KCNA2: variants seen among roughly 807,000 people sequenced by gnomAD.
KCNA2 encodes the protein potassium voltage-gated channel subfamily A member 2.
A neutral mutation model predicts 33.4 loss-of-function variants in KCNA2; 11 were observed. The ratio of observed to expected loss-of-function variants is 0.33; its 90% CI spans 0.21 to 0.55. The LOEUF (loss-of-function observed/expected upper bound fraction) is 0.55, where lower values mean the gene tolerates loss of function less well. KCNA2 is among the 20% of genes least tolerant of loss of function. KCNA2 has a pLI of 0.93. For missense variants in KCNA2, 291 were observed against 621.6 expected (o/e 0.47, Z 5.66); for synonymous variants, 222 against 231.3 (o/e 0.96, Z 0.37).
At position 110,594,057 on chromosome 1, in the gene KCNA2, C is replaced by G. The variant is rs1648980606; in HGVS notation, c.*9226G>C. ...TTATCACCATGGAGACCCCAGTTCC[C>G]TTTCGGCATCATCCTTACGAAGCTT... is the stretch of plus-strand genomic sequence containing the variant. On this transcript the variant is annotated 3_prime_UTR_variant, in exon 3 of 3. Transcript: ENST00000316361. The G allele has an allele frequency of 6.8e-7, 1 of 1,477,286 alleles. No homozygotes were observed. Among genetic ancestry groups the G allele is most frequent in the Admixed American group, 2.4e-5 (1 of 41,780 alleles). 91.5% of individuals were successfully genotyped at this position (1,477,286 alleles called of 1,614,324 possible). A position where few individuals can be genotyped will look rare whatever the true frequency, so the allele number is the denominator to read the frequency against.
chr1:110,610,708 G>A (rs557199431), upstream of KCNA2, among the ~76,000 whole-genome samples: 185 of 152,280 alleles, frequency 1.2e-3, no homozygotes, highest in African/African-American at 4.3e-3. Context: ...TCTGGTCTCA[G>A]GAACAGAGAT....
intron 1 of KCNA2, among the ~76,000 whole-genome samples, chr1:110,626,223 G>A (rs1650385309): frequency 7.9e-5 from 12 of 152,100 alleles, no homozygotes; most frequent in Admixed American, 7.9e-4. Context: ...TAGGGGACTG[G>A]TAAAATAAAC....
At chr1:110,611,747 G>T (rs140914986) in intron 1 of KCNA2, among the ~76,000 whole-genome samples, 1 of 151,516 alleles carries the variant, frequency 6.6e-6, no homozygotes, top group Non-Finnish European at 1.5e-5. Context: ...AAAAGGCTGG[G>T]TATAGTGGTC....
chr1:110,628,643 T>C (rs1200067203), intron 1 of KCNA2, among the ~76,000 whole-genome samples: 2 of 152,138 alleles, frequency 1.3e-5, no homozygotes, highest in African/African-American at 4.8e-5. Context: ...CCCATAAATA[T>C]TTGTTGGTTG....
rs142010556 is a variant in KCNA2, at chr1:110,594,293, C to CTG, written c.*8989_*8990insCA. On this transcript the variant is annotated 3_prime_UTR_variant, in exon 3 of 3. Coordinates refer to ENST00000316361, the MANE Select transcript of KCNA2 (RefSeq NM_004974.4). ...GGCCATTTCCTCTCTCTCTCTCTCT[C>CTG]TATATATATATATACATATATATAT... 2.5e-6 allele frequency: 2 copies of CTG among 794,782 alleles called. No homozygotes were observed. Among genetic ancestry groups the CTG allele is most frequent in the Non-Finnish European group, 3.0e-6 (2 of 664,266 alleles). 49.2% of individuals were successfully genotyped at this position (794,782 alleles called of 1,614,324 possible).
intron 1 of KCNA2, among the ~76,000 whole-genome samples, chr1:110,625,184 C>G (rs1650359399): frequency 6.6e-6 from 1 of 152,188 alleles, no homozygotes; most frequent in African/African-American, 2.4e-5. Flanking sequence ...CTTCCCAGAG[C>G]AGTGTAAATA....
At chr1:110,621,971 G>T (rs1650269596) in intron 1 of KCNA2, among the ~76,000 whole-genome samples, 1 of 152,024 alleles carries the variant, frequency 6.6e-6, no homozygotes, top group East Asian at 1.9e-4. Flanking sequence ...TTTAGAAAAT[G>T]GAAAAGATAA....
chr1:110,614,826 G>T (rs1045405924), intron 1 of KCNA2, among the ~76,000 whole-genome samples: 9 of 152,162 alleles, frequency 5.9e-5, no homozygotes, highest in East Asian at 1.9e-4. Context: ...CCTGCTCAAG[G>T]TTGCATGGCT....
chr1:110,611,018 G>GAGGAAGGAAGGAAGGA (rs59353690), upstream of KCNA2, among the ~76,000 whole-genome samples: 345 of 144,246 alleles, frequency 2.4e-3, 2 homozygotes, highest in South Asian at 0.011. Flanking sequence ...AAGACAGAAT[G>GAGGAAGGAAGGAAGGA]AGGAAGGAAG....
Position 110,595,723 on chromosome 1 carries a change from A to G in KCNA2, c.*7560T>C. ...CTGAATTTCAGCTGCTCTAATACCCACACCCTCAACTTAGGTTTAGTCATA... is the reference window on the plus strand; with the variant it reads ...CTGAATTTCAGCTGCTCTAATACCCGCACCCTCAACTTAGGTTTAGTCATA... On this transcript the variant is annotated 3_prime_UTR_variant, in exon 3 of 3. Transcript: ENST00000316361. The G allele has an allele frequency of 1.2e-5, 12 of 985,392 alleles. No homozygotes were observed. Among genetic ancestry groups the G allele is most frequent in the Non-Finnish European group, 1.3e-5 (11 of 829,918 alleles). 61.0% of individuals were successfully genotyped at this position (985,392 alleles called of 1,614,324 possible).
At chr1:110,629,547 C>G (rs999457769) in intron 1 of KCNA2, among the ~76,000 whole-genome samples, 1 of 152,176 alleles carries the variant, frequency 6.6e-6, no homozygotes, top group Non-Finnish European at 1.5e-5. Flanking sequence ...TCTTCCTCAG[C>G]ACAGTTACTC....
upstream of KCNA2, chr1:110,606,875 G>A (rs892490311): frequency 3.9e-5 from 6 of 152,314 alleles, no homozygotes; most frequent in African/African-American, 1.4e-4. Flanking sequence ...CCGAAGAGGC[G>A]AATGCAGCCC....
intron 1 of KCNA2, among the ~76,000 whole-genome samples, chr1:110,618,776 C>T (rs906279493): frequency 3.3e-5 from 5 of 152,070 alleles, no homozygotes; most frequent in Non-Finnish European, 7.4e-5. Flanking sequence ...AGGCCCAAAC[C>T]CCGGGACACA....
In KCNA2 at chr1:110,601,802, G is replaced by GTA. The variant is rs1557730246; in HGVS notation, c.*1480_*1481insTA. 5 of 1,223,912 alleles carry GTA rather than the reference G, an allele frequency of 4.1e-6. No homozygotes were observed. In the East Asian group the frequency reaches 1.0e-4, roughly 25 times the overall value. 75.8% of individuals were successfully genotyped at this position (1,223,912 alleles called of 1,614,324 possible). On this transcript the variant is annotated 3_prime_UTR_variant, in exon 3 of 3. Coordinates refer to ENST00000316361, the MANE Select transcript of KCNA2 (RefSeq NM_004974.4). ...AATATATATATATATATATGTGTGT[G>GTA]TGTGTGTGTGTGTGTGTGTGTGTGT...
intron 1 of KCNA2, among the ~76,000 whole-genome samples, chr1:110,629,981 G>A (rs866004345): frequency 2.0e-5 from 3 of 150,498 alleles, no homozygotes; most frequent in Non-Finnish European, 4.4e-5. Context: ...GGACTCAAAA[G>A]TGAGTTAACA....
In KCNA2 at chr1:110,595,351, C is replaced by T; in HGVS notation, c.*7932G>A. The T allele has an allele frequency of 2.0e-6, 2 of 985,398 alleles. No homozygotes were observed. The highest frequency in any genetic ancestry group is 2.4e-6 in the Non-Finnish European group (2 of 829,930). 61.0% of individuals were successfully genotyped at this position (985,398 alleles called of 1,614,324 possible). ...TCATGAAGTACAAGAAGTAGCCATCCAGACAGGCCACCTCAACTGCCTCAG... is the reference window on the plus strand; with the variant it reads ...TCATGAAGTACAAGAAGTAGCCATCTAGACAGGCCACCTCAACTGCCTCAG... On this transcript the variant is annotated 3_prime_UTR_variant, in exon 3 of 3. Transcript: ENST00000316361.
At chr1:110,629,263 G>A (rs1351826548) in intron 1 of KCNA2, among the ~76,000 whole-genome samples, 1 of 152,062 alleles carries the variant, frequency 6.6e-6, no homozygotes, top group Non-Finnish European at 1.5e-5. Flanking sequence ...GATTTTTAAG[G>A]TCCCCACCAA....
At chr1:110,625,478 A>G (rs747522266) in intron 1 of KCNA2, among the ~76,000 whole-genome samples, 1 of 152,234 alleles carries the variant, frequency 6.6e-6, no homozygotes, top group Non-Finnish European at 1.5e-5. Flanking sequence ...TGAATATTCA[A>G]ATGTAAAAAG....
Position 110,596,871 on chromosome 1 carries a change from A to G in KCNA2, c.*6412T>C. 1.0e-6 allele frequency: 1 copy of G among 985,340 alleles called. No homozygotes were observed. The highest frequency in any genetic ancestry group is 1.2e-6 in the Non-Finnish European group (1 of 829,918). 61.0% of individuals were successfully genotyped at this position (985,340 alleles called of 1,614,324 possible). ...GTAGATCAAAAAAGGATGGAATGGGACCCTGGGGTTGCCAGCCTTCCCTGA... is the reference window on the plus strand; with the variant it reads ...GTAGATCAAAAAAGGATGGAATGGGGCCCTGGGGTTGCCAGCCTTCCCTGA... On this transcript the variant is annotated 3_prime_UTR_variant, in exon 3 of 3. Transcript: ENST00000316361.
Sources: gnomAD v4.1 joint callset for allele counts (sites outside exome capture counted in the v4.1 genomes callset) on GRCh38, gnomAD v4.1.1 for gene constraint, MANE v1.5 for transcripts, NCBI Gene and HGNC (gene_info 2026-07-23, HGNC 2026-07-21) for gene names.